Variants in PPP1R1A observed in about 807,000 individuals in gnomAD.
PPP1R1A encodes the protein protein phosphatase 1 regulatory subunit 1A.
PPP1R1A carries 18 observed loss-of-function variants against 23.9 expected under a neutral mutation model. That is an observed-to-expected ratio of 0.75 (90% confidence interval 0.52 to 1.12). PPP1R1A has a LOEUF of 1.12. PPP1R1A is among the 50% of genes most tolerant of loss of function. The pLI is 0.00. For synonymous variants in PPP1R1A, 84 were observed against 80.7 expected (o/e 1.04, Z -0.22); for missense variants, 207 against 223.8 (o/e 0.92, Z 0.48).
intron 1 of PPP1R1A, 91 bp downstream of exon 1, chr12:54,588,314 G>C: frequency 1.0e-6 from 1 of 991,894 alleles, no homozygotes; most frequent in Non-Finnish European, 1.4e-6. Context: ...ACTGCTAAGG[G>C]AGGACTAGGC....
Position 54,584,263 on chromosome 12 carries a change from G to T in PPP1R1A, c.142C>A (p.Pro48Thr), listed in dbSNP as rs1183816449. 1 of 1,600,820 alleles carries T rather than the reference G, an allele frequency of 6.2e-7. No homozygotes were observed. The highest frequency in any genetic ancestry group is 8.5e-7 in the Non-Finnish European group (1 of 1,173,862). The change falls in exon 2 of 7, where the codon CCA (proline) becomes ACA (threonine). Residue 48 changes from proline (P) to threonine (T), a missense_variant. Coordinates refer to ENST00000257905, the MANE Select transcript of PPP1R1A (RefSeq NM_006741.4). ...TLVLTSDQSS[P>T]EIDEDRIPNP... ...AGCAACCTATCCCTTGGCTTACCTG[G>T]GGATGACTGGTCACTGGTCAGCACG...
At chr12:54,582,533 C>T (rs1440526141) in intron 4 of PPP1R1A, among the ~76,000 whole-genome samples, 199 bp downstream of exon 4, 1 of 152,170 alleles carries the variant, frequency 6.6e-6, no homozygotes, top group Non-Finnish European at 1.5e-5. Context: ...AGGTAGTATT[C>T]AAGGCTCAGT....
chr12:54,586,020 T>G (rs951715820), intron 1 of PPP1R1A, among the ~76,000 whole-genome samples: 7 of 152,116 alleles, frequency 4.6e-5, no homozygotes, highest in African/African-American at 1.7e-4. Flanking sequence ...TTCATGTATA[T>G]GGGGTGGGGG....
Position 54,579,566 on chromosome 12 carries a change from C to A in PPP1R1A, c.*821G>T. On this transcript the variant is annotated 3_prime_UTR_variant, in exon 7 of 7. Coordinates refer to ENST00000257905, the MANE Select transcript of PPP1R1A (RefSeq NM_006741.4). ...ATCAAAAACAGCAGCAGGAGAGAGG[C>A]CTGGCCGTGAGATCTGAGACAGTTT... 2 of 985,428 alleles carry A rather than the reference C, an allele frequency of 2.0e-6. No homozygotes were observed. Among genetic ancestry groups the A allele is most frequent in the South Asian group, 9.4e-5 (2 of 21,286 alleles). 61.0% of individuals were successfully genotyped at this position (985,428 alleles called of 1,614,324 possible). A position where few individuals can be genotyped will look rare whatever the true frequency, so the allele number is the denominator to read the frequency against.
rs550157499 is a variant in PPP1R1A at position 54,586,127 on chromosome 12, G to C, written c.85-1807C>G. ...AAAGAGACAAGGAGGGTGGAGTGGCGATCAGTGGGTTGAGATAACATCAGA... is the reference window on the plus strand; with the variant it reads ...AAAGAGACAAGGAGGGTGGAGTGGCCATCAGTGGGTTGAGATAACATCAGA... On this transcript the variant is annotated intron_variant, in intron 1 of 6. Coordinates refer to ENST00000257905, the MANE Select transcript of PPP1R1A (RefSeq NM_006741.4). Among the ~76,000 whole-genome samples the C allele has an allele frequency of 3.7e-3, 567 of 152,246 alleles. 4 individuals carry two copies. Among genetic ancestry groups the C allele is most frequent in the African/African-American group, 0.013 (558 of 41,534 alleles).
Position 54,579,784 on chromosome 12 carries a change from AAAGG to A in PPP1R1A, c.*599_*602del. 1.0e-6 allele frequency: 1 copy of A among 985,656 alleles called. No homozygotes were observed. Among genetic ancestry groups the A allele is most frequent in the Non-Finnish European group, 1.2e-6 (1 of 830,116 alleles). The allele number at this position is 985,656 out of a possible 1,614,324, so 61.1% of individuals were successfully genotyped here. A position where few individuals can be genotyped will look rare whatever the true frequency, so the allele number is the denominator to read the frequency against. On this transcript the variant is annotated 3_prime_UTR_variant, in exon 7 of 7. Coordinates refer to ENST00000257905, the MANE Select transcript of PPP1R1A (RefSeq NM_006741.4). ...ACACATCCTGAAGCTTGGGAATCCA[AAAGG>A]AAGGCAGCTGGGGCTTGGAGGGCAG...
At position 54,581,728 on chromosome 12, in the gene PPP1R1A, T is replaced by C. The variant is rs940970333; in HGVS notation, c.403+248A>G. Among the ~76,000 whole-genome samples the C allele has an allele frequency of 6.6e-6, 1 of 152,330 alleles. No homozygotes were observed. Among genetic ancestry groups the C allele is most frequent in the East Asian group, 1.9e-4 (1 of 5,192 alleles). On this transcript the variant is annotated intron_variant, in intron 5 of 6. Coordinates refer to ENST00000257905, the MANE Select transcript of PPP1R1A (RefSeq NM_006741.4). The surrounding 1 kb of genome is among the most constrained non-coding windows in gnomAD (Gnocchi z 4.1). ...TGATTGCTGTTCCCATGAAGGTGGG[T>C]TTCCCCCATGTAGCCACAGTGGGGC...
At chr12:54,586,379 C>T (rs1957910748) in intron 1 of PPP1R1A, among the ~76,000 whole-genome samples, 1 of 152,194 alleles carries the variant, frequency 6.6e-6, no homozygotes. Flanking sequence ...GGTCTCTTTT[C>T]CTTTTCTCAT....
Position 54,579,284 on chromosome 12 carries a change from CACAT to C in PPP1R1A, c.*1099_*1102del. ...TGGGTACAAGTTGACCAAGCATCTT[CACAT>C]ACATACACTCTTTCCAGCATGATAA... On this transcript the variant is annotated 3_prime_UTR_variant, in exon 7 of 7. Coordinates refer to ENST00000257905, the MANE Select transcript of PPP1R1A (RefSeq NM_006741.4). 1 of 985,338 alleles carries C rather than the reference CACAT, an allele frequency of 1.0e-6. No homozygotes were observed. Among genetic ancestry groups the C allele is most frequent in the Non-Finnish European group, 1.2e-6 (1 of 829,934 alleles). 61.0% of individuals were successfully genotyped at this position (985,338 alleles called of 1,614,324 possible).
intron 4 of PPP1R1A, among the ~76,000 whole-genome samples, 179 bp downstream of exon 4, chr12:54,582,553 A>C (rs1233468757): frequency 1.3e-5 from 2 of 152,232 alleles, no homozygotes; most frequent in Admixed American, 1.3e-4. Flanking sequence ...TAAGTTAAGC[A>C]GTTTCTCCCA....
Position 54,581,144 on chromosome 12 carries a change from G to T in PPP1R1A, c.404-94C>A. 1 of 1,001,318 alleles carries T rather than the reference G, an allele frequency of 1.0e-6. No homozygotes were observed. The highest frequency in any genetic ancestry group is 1.5e-6 in the Non-Finnish European group (1 of 662,346). The allele number at this position is 1,001,318 out of a possible 1,614,324, so 62.0% of individuals were successfully genotyped here. A position where few individuals can be genotyped will look rare whatever the true frequency, so the allele number is the denominator to read the frequency against. On this transcript the variant is annotated intron_variant, in intron 5 of 6. Coordinates refer to ENST00000257905, the MANE Select transcript of PPP1R1A (RefSeq NM_006741.4). This position sits in a 1 kb window ranked among gnomAD's most constrained non-coding sequence, Gnocchi z 4.1. ...CTCCTCACTGCACCCATACCCCAGTGGCCCCTGAGAGGGCCCCAGGACCAA... is the reference window on the plus strand; with the variant it reads ...CTCCTCACTGCACCCATACCCCAGTTGCCCCTGAGAGGGCCCCAGGACCAA...
At chr12:54,586,042 C>A (rs929150009) in intron 1 of PPP1R1A, among the ~76,000 whole-genome samples, 1 of 152,110 alleles carries the variant, frequency 6.6e-6, no homozygotes, top group Admixed American at 6.5e-5. Flanking sequence ...CATCCTTCAA[C>A]TAGAAGACTC....
chr12:54,580,007 G>C lies in PPP1R1A; in HGVS notation c.*380C>G. On this transcript the variant is annotated 3_prime_UTR_variant, in exon 7 of 7. Transcript: ENST00000257905. ...CGGATCGTTCCTCAATAAGAAAAGA[G>C]AACCTGGGGCTTTTCTTCCTTCTTG... 1 of 1,011,178 alleles carries C rather than the reference G, an allele frequency of 9.9e-7. No individual in the cohort carries two copies. Among genetic ancestry groups the C allele is most frequent in the Non-Finnish European group, 1.2e-6 (1 of 845,578 alleles). The allele number at this position is 1,011,178 out of a possible 1,614,324, so 62.6% of individuals were successfully genotyped here. A position where few individuals can be genotyped will look rare whatever the true frequency, so the allele number is the denominator to read the frequency against.
intron 1 of PPP1R1A, among the ~76,000 whole-genome samples, chr12:54,586,822 C>G (rs1957916422): frequency 6.6e-6 from 1 of 152,174 alleles, no homozygotes; most frequent in Non-Finnish European, 1.5e-5. Flanking sequence ...CAACACCCAA[C>G]AGATACAGGT....
chr12:54,588,118 GC>G (rs1369929311), intron 1 of PPP1R1A, among the ~76,000 whole-genome samples: 4 of 151,988 alleles, frequency 2.6e-5, no homozygotes, highest in Non-Finnish European at 5.9e-5. Context: ...CCTCAAGCAG[GC>G]CCCCTCCCCC....
chr12:54,584,467 C>G lies in PPP1R1A; in HGVS notation c.85-147G>C. ...GTTAATGCAGCTGGAGGCCATTATC[C>G]TAAGCAAACTTATGCAGAAACAGAA... is the stretch of plus-strand genomic sequence containing the variant. On this transcript the variant is annotated intron_variant, in intron 1 of 6. Coordinates refer to ENST00000257905, the MANE Select transcript of PPP1R1A (RefSeq NM_006741.4). 5.5e-6 allele frequency: 4 copies of G among 722,234 alleles called. No homozygotes were observed. The South Asian group carries it at 7.6e-5, about 14-fold the overall frequency. 44.7% of individuals were successfully genotyped at this position (722,234 alleles called of 1,614,324 possible).
intron 1 of PPP1R1A, among the ~76,000 whole-genome samples, chr12:54,587,124 C>A (rs957240159): frequency 6.6e-6 from 1 of 152,156 alleles, no homozygotes; most frequent in Non-Finnish European, 1.5e-5. Flanking sequence ...AGGACGGAGA[C>A]GCAGGTACCT....
intron 4 of PPP1R1A, 137 bp downstream of exon 4, chr12:54,582,595 A>C: frequency 1.9e-6 from 2 of 1,059,952 alleles, no homozygotes; most frequent in South Asian, 1.4e-5. Flanking sequence ...CAAAACTGGG[A>C]TTTCAGCCTC....
At chr12:54,583,340 A>T in intron 2 of PPP1R1A, 92 bp from the exon 3 acceptor site, 1 of 1,219,596 alleles carries the variant, frequency 8.2e-7, no homozygotes, top group Non-Finnish European at 1.1e-6. Context: ...TTCTGCAGCC[A>T]TGCTCCTCCT....
Sources: gnomAD v4.1 joint callset for allele counts (sites outside exome capture counted in the v4.1 genomes callset) on GRCh38, gnomAD v4.1.1 for gene constraint, Gnocchi (gnomAD v3.1) non-coding constraint, MANE v1.5 for transcripts, NCBI Gene and HGNC (gene_info 2026-07-23, HGNC 2026-07-21) for gene names.